The following GAP43 variants were observed in gnomAD, a reference collection of about 807,000 sequenced individuals.
GAP43 encodes the protein growth associated protein 43, also known as neuromodulin.
Under a neutral mutation model 18.6 loss-of-function variants are expected in GAP43, and 6 were observed. That is an observed-to-expected ratio of 0.32 (90% CI 0.18 to 0.64). The LOEUF (loss-of-function observed/expected upper bound fraction) is 0.64, where lower values mean the gene tolerates loss of function less well. GAP43 is among the 30% of genes least tolerant of loss of function. The pLI is 0.78. For missense variants in GAP43, 292 were observed against 295.5 expected (o/e 0.99, Z 0.09); for synonymous variants, 115 against 111.4 (o/e 1.03, Z -0.20).
intron 2 of GAP43, among the ~76,000 whole-genome samples, chr3:115,678,457 G>A (rs1049978649): frequency 6.6e-6 from 1 of 151,924 alleles, no homozygotes; most frequent in Non-Finnish European, 1.5e-5. Flanking sequence ...AAGAAATTAA[G>A]TTTTATTATG....
At chr3:115,623,816 G>A in intron 1 of GAP43, 97 bp downstream of exon 1, 1 of 1,266,196 alleles carries the variant, frequency 7.9e-7, no homozygotes, top group Non-Finnish European at 1.2e-6. Context: ...CTTCTGCTCT[G>A]GCCGTGGTGC....
chr3:115,639,738 C>T (rs1011437345), intron 1 of GAP43, among the ~76,000 whole-genome samples: 3 of 151,986 alleles, frequency 2.0e-5, no homozygotes, highest in Non-Finnish European at 2.9e-5. Flanking sequence ...AAACTACAAA[C>T]GGCCAGAAAA....
intron 1 of GAP43, among the ~76,000 whole-genome samples, chr3:115,624,370 A>C (rs1338634928): frequency 6.6e-6 from 1 of 151,922 alleles, no homozygotes; most frequent in Non-Finnish European, 1.5e-5. Context: ...AGAAGGAGAA[A>C]ATCCCCTTCC....
chr3:115,637,511 T>C (rs1037370017), intron 1 of GAP43, among the ~76,000 whole-genome samples: 1 of 152,068 alleles, frequency 6.6e-6, no homozygotes. Context: ...ACACCTTTGG[T>C]TGCACTTTTT....
intron 1 of GAP43, among the ~76,000 whole-genome samples, chr3:115,669,971 A>T (rs77946315): frequency 0.023 from 2,183 of 94,926 alleles, 19 homozygotes; most frequent in Middle Eastern, 0.08. Context: ...TTTTATTTTT[A>T]TTTTTTTTTT....
chr3:115,664,130 T>G (rs913227530), intron 1 of GAP43, among the ~76,000 whole-genome samples: 3 of 151,942 alleles, frequency 2.0e-5, no homozygotes, highest in African/African-American at 4.8e-5. Context: ...ATAAATATGT[T>G]TGGGGTGTGT....
At chr3:115,633,170 T>C (rs1708283991) in intron 1 of GAP43, among the ~76,000 whole-genome samples, 1 of 151,822 alleles carries the variant, frequency 6.6e-6, no homozygotes, top group South Asian at 2.1e-4. Context: ...CCAGCTACAA[T>C]TCAAATTTTA....
At chr3:115,642,291 A>G (rs1708406795) in intron 1 of GAP43, among the ~76,000 whole-genome samples, 2 of 152,020 alleles carry the variant, frequency 1.3e-5, no homozygotes, top group African/African-American at 4.8e-5. Context: ...CATCAAGACC[A>G]ATTTTAGACA....
At chr3:115,652,008 AT>A (rs1184477962) in intron 1 of GAP43, among the ~76,000 whole-genome samples, 2 of 152,002 alleles carry the variant, frequency 1.3e-5, no homozygotes, top group Non-Finnish European at 2.9e-5. Flanking sequence ...CTTAATTAGA[AT>A]TTTCTTCCAC....
At chr3:115,657,244 A>G (rs1255472576) in intron 1 of GAP43, among the ~76,000 whole-genome samples, 2 of 152,210 alleles carry the variant, frequency 1.3e-5, no homozygotes, top group Non-Finnish European at 2.9e-5. Flanking sequence ...GCGATGAGCT[A>G]AAGTGGAAGT....
In GAP43 at chr3:115,644,601, A is replaced by G. The variant is rs1470710509; in HGVS notation, c.30+20882A>G. Among the ~76,000 whole-genome samples the G allele has an allele frequency of 1.3e-5, 2 of 152,098 alleles. No homozygotes were observed. Among genetic ancestry groups the G allele is most frequent in the African/African-American group, 2.4e-5 (1 of 41,442 alleles). Reference sequence around the variant, plus strand: ...TTCAAGGCAAAAAGAAAAATCCTTTATGGTTACTGAGTATGCTGTGAATCC... The same window carrying G: ...TTCAAGGCAAAAAGAAAAATCCTTTGTGGTTACTGAGTATGCTGTGAATCC... On this transcript the variant is annotated intron_variant, in intron 1 of 2. Coordinates refer to ENST00000305124, the MANE Select transcript of GAP43 (RefSeq NM_002045.4). The surrounding 1 kb of genome is among the most constrained non-coding windows in gnomAD (Gnocchi z 4.2).
In GAP43 at chr3:115,676,281, A is replaced by G; in HGVS notation, c.299A>G (p.Glu100Gly). The G allele has an allele frequency of 6.2e-7, 1 of 1,614,154 alleles. No homozygotes were observed. Among genetic ancestry groups the G allele is most frequent in the Non-Finnish European group, 8.5e-7 (1 of 1,180,016 alleles). The change falls in exon 2 of 3, where the codon GAG becomes GGG. Residue 100 changes from glutamate to glycine, a missense_variant. Transcript: ENST00000305124. ...CCAGCCACTGGCTCCAAGCCTGATG[A>G]GCCCGGCAAAGCAGGAGAAACTCCT... is the stretch of plus-strand genomic sequence containing the variant. ...AAPATGSKPDEPGKAGETPSE... is the reference protein window; with the variant it reads ...AAPATGSKPDGPGKAGETPSE...
In GAP43 at chr3:115,661,831, C is replaced by CTTTTT. The variant is rs56209932; in HGVS notation, c.31-14172_31-14168dup. Among the ~76,000 whole-genome samples the CTTTTT allele has an allele frequency of 4.7e-5, 5 of 105,970 alleles. 1 individual carries two copies. Among genetic ancestry groups the CTTTTT allele is most frequent in the South Asian group, 3.1e-4 (1 of 3,212 alleles). The allele number at this position is 105,970 out of a possible 152,430, so 69.5% of individuals were successfully genotyped here. On this transcript the variant is annotated intron_variant, in intron 1 of 2. Coordinates refer to ENST00000305124, the MANE Select transcript of GAP43 (RefSeq NM_002045.4). Reference sequence around the variant, plus strand: ...AGTTTGGCTTGGGGAGAAACTAGGGCTTTTTTTTTTTTTTACCTGGGAGCT... The same window carrying CTTTTT: ...AGTTTGGCTTGGGGAGAAACTAGGGCTTTTTTTTTTTTTTTTTTTACCTGGGAGCT...
intron 2 of GAP43, among the ~76,000 whole-genome samples, chr3:115,696,301 C>T (rs1479401779): frequency 6.6e-6 from 1 of 152,088 alleles, no homozygotes; most frequent in South Asian, 2.1e-4. Context: ...ATACTTAGGC[C>T]ATATGCCTTA....
chr3:115,660,040 G>A (rs1283338120), intron 1 of GAP43, among the ~76,000 whole-genome samples: 2 of 152,118 alleles, frequency 1.3e-5, no homozygotes, highest in African/African-American at 2.4e-5. Flanking sequence ...GGAATGTTTA[G>A]CTTTTTGCTG....
chr3:115,696,703 C>T (rs1251225650), intron 2 of GAP43, among the ~76,000 whole-genome samples: 2 of 151,788 alleles, frequency 1.3e-5, no homozygotes, highest in Non-Finnish European at 2.9e-5. Context: ...TTCAGCTCTC[C>T]GTTCAGATAT....
At chr3:115,702,904 G>C (rs961486817) in intron 2 of GAP43, among the ~76,000 whole-genome samples, 1 of 152,092 alleles carries the variant, frequency 6.6e-6, no homozygotes, top group South Asian at 2.1e-4. Context: ...TGAGTCTTAC[G>C]GGAGTCCTGA....
In GAP43 at chr3:115,698,240, T is replaced by TATATATA. The variant is rs1264529539; in HGVS notation, c.628+21645_628+21651dup. ...TATATAATATATAATATATATAAAA[T>TATATATA]ATATATAATATATAATATATATAAA... is the stretch of plus-strand genomic sequence containing the variant. On this transcript the variant is annotated intron_variant, in intron 2 of 2. Coordinates refer to ENST00000305124, the MANE Select transcript of GAP43 (RefSeq NM_002045.4). Among the ~76,000 whole-genome samples, 158 of 26,258 alleles carry TATATATA rather than the reference T, an allele frequency of 6.0e-3. 1 individual carries two copies. The highest frequency in any genetic ancestry group is 0.011 in the South Asian group (11 of 1,040). The allele number at this position is 26,258 out of a possible 152,430, so 17.2% of individuals were successfully genotyped here.
chr3:115,716,754 A>ATATATATATG (rs1709511132), intron 2 of GAP43, among the ~76,000 whole-genome samples: 3 of 128,810 alleles, frequency 2.3e-5, no homozygotes, highest in African/African-American at 8.7e-5. Context: ...ATATATATAT[A>ATATATATATG]TATATATATA....
Sources: gnomAD v4.1 joint callset for allele counts (sites outside exome capture counted in the v4.1 genomes callset) on GRCh38, gnomAD v4.1.1 for gene constraint, Gnocchi (gnomAD v3.1) non-coding constraint, MANE v1.5 for transcripts, NCBI Gene and HGNC (gene_info 2026-07-23, HGNC 2026-07-21) for gene names.